Variants in SEMA6B observed in about 807,000 individuals in gnomAD.
SEMA6B encodes semaphorin-6B.
SEMA6B carries 47 observed loss-of-function variants against 78.6 expected under a neutral mutation model. The observed-to-expected ratio is 0.60, with a 90% CI of 0.47 to 0.76. SEMA6B has a LOEUF of 0.76. SEMA6B is among the 30% of genes least tolerant of loss of function. The pLI is 0.00. For missense variants in SEMA6B, 1,213 were observed against 1,269.9 expected (o/e 0.96, Z 0.68); for synonymous variants, 632 against 592.2 (o/e 1.07, Z -0.98).
Position 4,543,888 on chromosome 19 carries a change from T to C in SEMA6B, c.2380A>G (p.Ser794Gly). The change falls in exon 17 of 17, where the codon AGC (serine) becomes GGC (glycine). Residue 794 changes from serine to glycine, a missense_variant. Coordinates refer to ENST00000586582, the MANE Select transcript of SEMA6B (RefSeq NM_032108.4). ...HGDFPLTPHA[S>G]PDRRRVVSAP... ...GACACCACCCGCCGGCGGTCCGGGC[T>C]GGCGTGGGGGGTGAGCGGGAAGTCG... The C allele has an allele frequency of 8.3e-7, 1 of 1,203,752 alleles. No homozygotes were observed. The highest frequency in any genetic ancestry group is 1.0e-6 in the Non-Finnish European group (1 of 970,532). The allele number at this position is 1,203,752 out of a possible 1,614,324, so 74.6% of individuals were successfully genotyped here.
rs373900501 is a variant in SEMA6B, at chr19:4,550,832, G to A, written c.1088C>T (p.Thr363Met). The change falls in exon 11 of 17, where the codon ACG becomes ATG. Residue 363 changes from threonine (T) to methionine (M), a missense_variant. Coordinates refer to ENST00000586582, the MANE Select transcript of SEMA6B (RefSeq NM_032108.4). The surrounding 1 kb of genome is among the most constrained non-coding windows in gnomAD (Gnocchi z 6.6). Reference sequence around the variant, plus strand: ...AGGCACCTGATCCTCCGGCACCGGCGTCCAGATGGACTCGGGGGACTTCTG... The same window carrying A: ...AGGCACCTGATCCTCCGGCACCGGCATCCAGATGGACTCGGGGGACTTCTG... ...REQKSPESIWTPVPEDQVPRP... is the reference protein window; with the variant it reads ...REQKSPESIWMPVPEDQVPRP... 37 of 1,613,390 alleles carry A rather than the reference G, an allele frequency of 2.3e-5. No homozygotes were observed. Among genetic ancestry groups the A allele is most frequent in the South Asian group, 1.3e-4 (12 of 91,086 alleles).
intron 4 of SEMA6B, 24 bp downstream of exon 4, chr19:4,557,139 C>G: frequency 6.2e-7 from 1 of 1,606,468 alleles, no homozygotes; most frequent in Non-Finnish European, 8.5e-7. Flanking sequence ...TACCCCTCCA[C>G]TCCCACCTGC....
In SEMA6B at chr19:4,550,382, G is replaced by GTT. The variant is rs1160561025; in HGVS notation, c.1122-112_1122-111dup. On this transcript the variant is annotated intron_variant, in intron 11 of 16. Coordinates refer to ENST00000586582, the MANE Select transcript of SEMA6B (RefSeq NM_032108.4). The surrounding 1 kb of genome is among the most constrained non-coding windows in gnomAD (Gnocchi z 6.6). ...CCAACGACCCTCAGGTTTTTTGTTTGTTTTGTTTTTGAGACAGAGTCTCAA... is the reference window on the plus strand; with the variant it reads ...CCAACGACCCTCAGGTTTTTTGTTTGTTTTTTGTTTTTGAGACAGAGTCTCAA... 3 of 1,273,094 alleles carry GTT rather than the reference G, an allele frequency of 2.4e-6. No homozygotes were observed. Among genetic ancestry groups the GTT allele is most frequent in the Non-Finnish European group, 3.3e-6 (3 of 911,400 alleles). 78.9% of individuals were successfully genotyped at this position (1,273,094 alleles called of 1,614,324 possible).
chr19:4,546,757 T>C (rs1382954102), intron 14 of SEMA6B, among the ~76,000 whole-genome samples: 2 of 151,614 alleles, frequency 1.3e-5, no homozygotes, highest in Non-Finnish European at 2.9e-5. Flanking sequence ...CCCGAGTAGC[T>C]GGGATTACAG....
rs757224309 is a variant in SEMA6B, at chr19:4,546,439, G to A, written c.1632C>T (p.Cys544=). 12 of 1,574,768 alleles carry A rather than the reference G, an allele frequency of 7.6e-6. No homozygotes were observed. The highest frequency in any genetic ancestry group is 4.7e-5 in the East Asian group (2 of 42,430). Residue 544 remains cysteine, a synonymous_variant, in exon 15 of 17, where the codon TGC becomes TGT. Transcript: ENST00000586582. ...TGCAGGAGCCGTCGGGGGCCCACCC[G>A]CAGTAGGGGTCCTGACTGCCGATAC... ...KNCIGSQDPY[C]GWAPDGSCIF...
chr19:4,543,525 GC>G lies in SEMA6B; in HGVS notation c.*75del. ...GAGCACCCACTCGGAGTTGCCCCGG[GC>G]CCCGGCGTTCTGGCACCGTCTCTCG... is the stretch of plus-strand genomic sequence containing the variant. On this transcript the variant is annotated 3_prime_UTR_variant, in exon 17 of 17. Transcript: ENST00000586582. 3 of 772,284 alleles carry G rather than the reference GC, an allele frequency of 3.9e-6. No individual in the cohort carries two copies. The highest frequency in any genetic ancestry group is 5.3e-6 in the Non-Finnish European group (3 of 568,442). The allele number at this position is 772,284 out of a possible 1,614,324, so 47.8% of individuals were successfully genotyped here.
rs762660120 is a variant in SEMA6B, at chr19:4,558,115, C to G, written c.156G>C (p.Gly52=). The G allele has an allele frequency of 1.0e-5, 16 of 1,523,886 alleles. No individual in the cohort carries two copies. The Admixed American group carries it at 2.9e-4, about 28-fold the overall frequency. 94.4% of individuals were successfully genotyped at this position (1,523,886 alleles called of 1,614,324 possible). A position where few individuals can be genotyped will look rare whatever the true frequency, so the allele number is the denominator to read the frequency against. Residue 52 remains glycine, a synonymous_variant, in exon 3 of 17, where the codon GGG becomes GGC. Transcript: ENST00000586582. The surrounding 1 kb of genome is among the most constrained non-coding windows in gnomAD (Gnocchi z 5.1). ...CTTCTGCGGGGGTCAGGCGTCCGGG[C>G]CCGCTGCCCACAAACACGGGATAGT... The part of the protein sequence containing the change: ...LNHYPVFVGS[G]PGRLTPAEGA...
rs1219451996 is a variant in SEMA6B, at chr19:4,557,190, G to C, written c.279C>G (p.Pro93=). ...TCTGGTACCGCAGCTCCGTGGACGT[G>C]GGGGGCTCCAGCTCTACGCGGTAGA... ...DNLYRVELEP[P]TSTELRYQRK... is the part of the protein sequence containing the mutation. The change falls in exon 4 of 17, where the codon CCC becomes CCG. Residue 93 remains proline, a synonymous_variant. Coordinates refer to ENST00000586582, the MANE Select transcript of SEMA6B (RefSeq NM_032108.4). 1.9e-6 allele frequency: 3 copies of C among 1,606,376 alleles called. No individual in the cohort carries two copies. Among genetic ancestry groups the C allele is most frequent in the African/African-American group, 1.3e-5 (1 of 74,808 alleles).
intron 9 of SEMA6B, among the ~76,000 whole-genome samples, chr19:4,553,996 T>G (rs915548217): frequency 1.6e-4 from 24 of 151,696 alleles, no homozygotes; most frequent in Non-Finnish European, 5.9e-5. Context: ...GGTGGGCAGA[T>G]GAGTAGATGG....
Position 4,550,786 on chromosome 19 carries a change from A to G in SEMA6B, c.1121+13T>C. The G allele has an allele frequency of 6.2e-7, 1 of 1,612,916 alleles. No homozygotes were observed. The highest frequency in any genetic ancestry group is 8.5e-7 in the Non-Finnish European group (1 of 1,179,800). On this transcript the variant is annotated intron_variant, in intron 11 of 16. Coordinates refer to ENST00000586582, the MANE Select transcript of SEMA6B (RefSeq NM_032108.4). This position sits in a 1 kb window ranked among gnomAD's most constrained non-coding sequence, Gnocchi z 6.6. Reference sequence around the variant, plus strand: ...CATCCGGGCATGTGACTCAGGATGGAGGGGGTTCTCACCGGGGTCGAGGCA... The same window carrying G: ...CATCCGGGCATGTGACTCAGGATGGGGGGGGTTCTCACCGGGGTCGAGGCA...
At chr19:4,548,538 C>T (rs1206079175) in intron 12 of SEMA6B, 93 bp from the exon 13 acceptor site, 17 of 1,144,606 alleles carry the variant, frequency 1.5e-5, no homozygotes, top group Non-Finnish European at 2.0e-5. Flanking sequence ...TGCATACAGA[C>T]ACTGACACAC....
intron 16 of SEMA6B, among the ~76,000 whole-genome samples, chr19:4,545,176 A>G (rs1262189513): frequency 6.6e-6 from 1 of 151,456 alleles, no homozygotes; most frequent in African/African-American, 2.4e-5. Context: ...ACCCATCTCT[A>G]CTAAAAATAC....
intron 5 of SEMA6B, among the ~76,000 whole-genome samples, chr19:4,556,685 G>A (rs1242178337): frequency 6.6e-6 from 1 of 151,910 alleles, no homozygotes; most frequent in Non-Finnish European, 1.5e-5. Flanking sequence ...TGTGGGCATA[G>A]CCAGAACTAT....
chr19:4,550,395 GAC>G lies in SEMA6B; in HGVS notation c.1122-125_1122-124del, dbSNP rs1336231621. ...GGTTTTTTGTTTGTTTTGTTTTTGA[GAC>G]AGAGTCTCAATCTGTCGCCCAGGCT... On this transcript the variant is annotated intron_variant, in intron 11 of 16. Transcript: ENST00000586582. The surrounding 1 kb of genome is among the most constrained non-coding windows in gnomAD (Gnocchi z 6.6). 3.7e-6 allele frequency: 4 copies of G among 1,080,906 alleles called. No homozygotes were observed. In the African/African-American group the frequency reaches 6.4e-5, roughly 17 times the overall value. 67.0% of individuals were successfully genotyped at this position (1,080,906 alleles called of 1,614,324 possible).
chr19:4,552,766 C>T lies in SEMA6B; in HGVS notation c.772-127G>A. On this transcript the variant is annotated intron_variant, in intron 9 of 16. Transcript: ENST00000586582. This position sits in a 1 kb window ranked among gnomAD's most constrained non-coding sequence, Gnocchi z 7.4. ...GACCCTGGCTCTGGTGGGACCCCGG[C>T]CAGTCACCGTTCCTCTCTGGGCACC... The T allele has an allele frequency of 1.2e-6, 1 of 848,382 alleles. No homozygotes were observed. The highest frequency in any genetic ancestry group is 1.8e-6 in the Non-Finnish European group (1 of 563,484). The allele number at this position is 848,382 out of a possible 1,614,324, so 52.6% of individuals were successfully genotyped here.
rs564318828 is a variant in SEMA6B at position 4,558,098 on chromosome 19, G to T, written c.173C>A (p.Pro58His). The change falls in exon 3 of 17, where the codon CCC becomes CAC. Residue 58 changes from proline to histidine, a missense_variant. Coordinates refer to ENST00000586582, the MANE Select transcript of SEMA6B (RefSeq NM_032108.4). The surrounding 1 kb of genome is among the most constrained non-coding windows in gnomAD (Gnocchi z 5.1). ...GTTGAGGTCGTCAGCACCTTCTGCG[G>T]GGGTCAGGCGTCCGGGCCCGCTGCC... ...FVGSGPGRLT[P>H]AEGADDLNIQ... 2 of 1,537,324 alleles carry T rather than the reference G, an allele frequency of 1.3e-6. No homozygotes were observed. Among genetic ancestry groups the T allele is most frequent in the Admixed American group, 1.9e-5 (1 of 53,088 alleles).
At chr19:4,548,635 T>C (rs1321882114) in intron 12 of SEMA6B, among the ~76,000 whole-genome samples, 190 bp from the exon 13 acceptor site, 1 of 152,212 alleles carries the variant, frequency 6.6e-6, no homozygotes, top group Non-Finnish European at 1.5e-5. Context: ...ACTCGCCCTT[T>C]TTTGAAACAT....
intron 14 of SEMA6B, 90 bp downstream of exon 14, chr19:4,547,937 C>T: frequency 7.0e-7 from 1 of 1,421,854 alleles, no homozygotes; most frequent in Non-Finnish European, 9.3e-7. Flanking sequence ...ACCAGGACAT[C>T]ATTGGGCTTT....
chr19:4,557,086 A>G, intron 4 of SEMA6B, 73 bp from the exon 5 acceptor site: 1 of 1,591,330 alleles, frequency 6.3e-7, no homozygotes, highest in Non-Finnish European at 8.6e-7. Flanking sequence ...TGCTGGGCCG[A>G]ATCCACCCAG....
Sources: gnomAD v4.1 joint callset for allele counts (sites outside exome capture counted in the v4.1 genomes callset) on GRCh38, gnomAD v4.1.1 for gene constraint, Gnocchi (gnomAD v3.1) non-coding constraint, MANE v1.5 for transcripts, NCBI Gene and HGNC (gene_info 2026-07-23, HGNC 2026-07-21) for gene names.